RECQL: variants seen among roughly 807,000 people sequenced by gnomAD.
RECQL encodes the protein RecQ like helicase.
Under a neutral mutation model 75.8 loss-of-function variants are expected in RECQL, and 73 were observed. That is an observed-to-expected ratio of 0.96 (90% CI 0.80 to 1.17). RECQL has a LOEUF of 1.17. RECQL is among the 50% of genes most tolerant of loss of function. The pLI is 0.00. For synonymous variants in RECQL, 248 were observed against 254.4 expected (o/e 0.97, Z 0.24); for missense variants, 699 against 772.1 (o/e 0.91, Z 1.12).
chr12:21,491,044 G>T (rs527967683), intron 3 of RECQL, among the ~76,000 whole-genome samples: 14 of 152,104 alleles, frequency 9.2e-5, no homozygotes, highest in Non-Finnish European at 2.1e-4. Flanking sequence ...TAAATATCTT[G>T]TTCAGACGTG....
intron 4 of RECQL, among the ~76,000 whole-genome samples, chr12:21,487,866 G>A (rs554735776): frequency 1.3e-5 from 2 of 152,238 alleles, no homozygotes; most frequent in Admixed American, 6.5e-5. Context: ...CCCCTCTCTA[G>A]ACACCGAAAT....
At chr12:21,471,383 A>T in intron 13 of RECQL, 45 bp downstream of exon 13, 1 of 1,492,492 alleles carries the variant, frequency 6.7e-7, no homozygotes, top group Non-Finnish European at 9.2e-7. Context: ...TTAAAAAAAA[A>T]CCATAAAGAC....
In RECQL at chr12:21,486,592, G is replaced by T. The variant is rs760078101; in HGVS notation, c.395-7C>A. On this transcript the variant is annotated splice_polypyrimidine_tract_variant and splice_region_variant and intron_variant, in intron 4 of 14. Transcript: ENST00000444129. ...CAAATGACGAGTGTAAAACCTAAAA[G>T]AGAAAAAAAAAAAAATCTACCTTAA... is the stretch of plus-strand genomic sequence containing the variant. 1 of 1,112,470 alleles carries T rather than the reference G, an allele frequency of 9.0e-7. No homozygotes were observed. Among genetic ancestry groups the T allele is most frequent in the Admixed American group, 4.2e-5 (1 of 23,814 alleles). The allele number at this position is 1,112,470 out of a possible 1,614,324, so 68.9% of individuals were successfully genotyped here.
intron 2 of RECQL, among the ~76,000 whole-genome samples, chr12:21,494,677 A>G (rs1207648572): frequency 1.3e-5 from 2 of 152,342 alleles, no homozygotes; most frequent in African/African-American, 4.8e-5. Flanking sequence ...AAGATCAAAT[A>G]GATTGATAAT....
At chr12:21,480,182 A>G (rs1396621779) in intron 6 of RECQL, among the ~76,000 whole-genome samples, 1 of 152,204 alleles carries the variant, frequency 6.6e-6, no homozygotes, top group East Asian at 1.9e-4. Flanking sequence ...GGCAGATCAC[A>G]TATTACCCTA....
rs533014904 is a variant in RECQL, at chr12:21,469,917, T to G, written c.*277A>C. The G allele has an allele frequency of 4.5e-4, 130 of 291,706 alleles. No individual in the cohort carries two copies. Among genetic ancestry groups the G allele is most frequent in the African/African-American group, 2.8e-3 (126 of 44,446 alleles). The allele number at this position is 291,706 out of a possible 1,614,324, so 18.1% of individuals were successfully genotyped here. On this transcript the variant is annotated 3_prime_UTR_variant, in exon 15 of 15. Coordinates refer to ENST00000444129, the MANE Select transcript of RECQL (RefSeq NM_002907.4). Reference sequence around the variant, plus strand: ...TAAGTATATAAAGGCATAAAAAACTTAAGACGATTGTATGAACTTATTCTC... The same window carrying G: ...TAAGTATATAAAGGCATAAAAAACTGAAGACGATTGTATGAACTTATTCTC...
In RECQL at chr12:21,471,528, C is replaced by G. The variant is rs1309429343; in HGVS notation, c.1567G>C (p.Gly523Arg). Reference protein sequence around the residue: ...LKLIDSWMGKGAAKLRVAGVV... With the variant: ...LKLIDSWMGKRAAKLRVAGVV... ...CCTGCTACTCTCAGTTTTGCTGCACCCTTTCCCATCCAAGAATCAATCAGT... is the reference window on the plus strand; with the variant it reads ...CCTGCTACTCTCAGTTTTGCTGCACGCTTTCCCATCCAAGAATCAATCAGT... Residue 523 changes from glycine (G) to arginine (R), a missense_variant, in exon 13 of 15, where the codon GGT becomes CGT. Gly to Arg is a moderately radical substitution (Grantham distance 125). Transcript: ENST00000444129. 1 of 1,612,396 alleles carries G rather than the reference C, an allele frequency of 6.2e-7. No homozygotes were observed.
rs1315401536 is a variant in RECQL at position 21,471,575 on chromosome 12, T to A, written c.1520A>T (p.Asn507Ile). The part of the protein sequence containing the change: ...IKILKQAEEL[N>I]EKLTPLKLID... ...CAGTTTCAATGGAGTGAGTTTTTCATTCAGTTCCTCTGCCTGCTTCAGGAT... is the reference window on the plus strand; with the variant it reads ...CAGTTTCAATGGAGTGAGTTTTTCAATCAGTTCCTCTGCCTGCTTCAGGAT... Residue 507 changes from asparagine (N) to isoleucine (I), a missense_variant, in exon 13 of 15, where the codon AAT becomes ATT. Asn to Ile is a moderately radical substitution (Grantham distance 149). Transcript: ENST00000444129. The A allele has an allele frequency of 1.9e-6, 3 of 1,612,850 alleles. No homozygotes were observed. Among genetic ancestry groups the A allele is most frequent in the Admixed American group, 1.7e-5 (1 of 59,892 alleles).
At chr12:21,489,763 G>A (rs1156719932) in intron 4 of RECQL, among the ~76,000 whole-genome samples, 1 of 152,132 alleles carries the variant, frequency 6.6e-6, no homozygotes, top group Non-Finnish European at 1.5e-5. Context: ...ATAGGGTTTC[G>A]AAAAGCTAGA....
At position 21,475,749 on chromosome 12, in the gene RECQL, C is replaced by T. The variant is rs770714965; in HGVS notation, c.1025G>A (p.Gly342Asp). 64 of 1,613,292 alleles carry T rather than the reference C, an allele frequency of 4.0e-5. No homozygotes were observed. The highest frequency in any genetic ancestry group is 5.3e-5 in the Non-Finnish European group (63 of 1,179,480). ...TGGCTCCAAATTGGCATGGTAAGCA[C>T]CTGCATGAATTCCCAGATTCTGCAA... is the stretch of plus-strand genomic sequence containing the variant. The part of the protein sequence containing the change: ...VSLQNLGIHA[G>D]AYHANLEPED... The change falls in exon 9 of 15, where the codon GGT becomes GAT. Residue 342 changes from glycine (G) to aspartate (D), a missense_variant. Coordinates refer to ENST00000444129, the MANE Select transcript of RECQL (RefSeq NM_002907.4).
intron 2 of RECQL, among the ~76,000 whole-genome samples, chr12:21,492,130 G>C (rs1055800472): frequency 6.6e-6 from 1 of 152,192 alleles, no homozygotes; most frequent in Non-Finnish European, 1.5e-5. Context: ...TAAAGTATCA[G>C]ACTTTGAAGC....
intron 5 of RECQL, among the ~76,000 whole-genome samples, chr12:21,485,002 G>A (rs1943262726): frequency 6.6e-6 from 1 of 151,932 alleles, no homozygotes; most frequent in African/African-American, 2.4e-5. Context: ...TGAAGAAAGA[G>A]TGACAGAATT....
rs2137339433 is a variant in RECQL, at chr12:21,475,689, G to A, written c.1085C>T (p.Ala362Val). Reference protein sequence around the residue: ...DKTTVHRKWSANEIQVVVATV... With the variant: ...DKTTVHRKWSVNEIQVVVATV... ...TATAGACCTAACCTGAATTTCATTG[G>A]CTGACCATTTTCTATGAACTGTGGT... The change falls in exon 9 of 15, where the codon GCC (alanine) becomes GTC (valine). Residue 362 changes from alanine to valine, a missense_variant. This residue lies in a region of RECQL where 669 missense variants were observed against 713.5 expected (regional missense o/e 0.94). Coordinates refer to ENST00000444129, the MANE Select transcript of RECQL (RefSeq NM_002907.4). The A allele has an allele frequency of 6.2e-7, 1 of 1,613,202 alleles. No individual in the cohort carries two copies. The highest frequency in any genetic ancestry group is 2.2e-5 in the East Asian group (1 of 44,848).
At chr12:21,496,885 C>T (rs555779495) in intron 2 of RECQL, among the ~76,000 whole-genome samples, 1 of 152,310 alleles carries the variant, frequency 6.6e-6, no homozygotes, top group Non-Finnish European at 1.5e-5. Context: ...ATACAATCTT[C>T]TCTTACCATT....
At chr12:21,491,767 T>G in intron 2 of RECQL, 51 bp from the exon 3 acceptor site, 1 of 1,489,926 alleles carries the variant, frequency 6.7e-7, no homozygotes, top group Non-Finnish European at 9.0e-7. Flanking sequence ...ATTACAACTT[T>G]AGGTTTCCAG....
At chr12:21,476,165 G>T (rs1943083953) in intron 8 of RECQL, among the ~76,000 whole-genome samples, 1 of 151,824 alleles carries the variant, frequency 6.6e-6, no homozygotes, top group Admixed American at 6.6e-5. Context: ...ATTAATTTTG[G>T]GTTAATTTAG....
chr12:21,500,572 TA>T (rs1305939069), intron 1 of RECQL, among the ~76,000 whole-genome samples: 1 of 152,232 alleles, frequency 6.6e-6, no homozygotes, highest in African/African-American at 2.4e-5. Context: ...ACCACACCAT[TA>T]AAAGAAGGCT....
chr12:21,499,693 T>C, intron 1 of RECQL, 78 bp from the exon 2 acceptor site: 1 of 722,114 alleles, frequency 1.4e-6, no homozygotes. Flanking sequence ...CAGTAATCTG[T>C]CATTCCTAAG....
intron 2 of RECQL, 120 bp from the exon 3 acceptor site, chr12:21,491,836 A>C: frequency 1.1e-6 from 1 of 885,786 alleles, no homozygotes; most frequent in Non-Finnish European, 1.7e-6. Flanking sequence ...GTAGTATAGC[A>C]GAATGGTTAT....
Sources: allele counts gnomAD v4.1 joint callset (sites outside exome capture counted in the v4.1 genomes callset), GRCh38; gene constraint gnomAD v4.1.1; regional missense constraint gnomAD v4.1.1; transcripts MANE v1.5; gene names NCBI Gene and HGNC (gene_info 2026-07-23, HGNC 2026-07-21).